PKIB: variants seen among roughly 807,000 people sequenced by gnomAD.
The protein encoded by PKIB is cAMP-dependent protein kinase inhibitor beta.
A neutral mutation model predicts 4.5 loss-of-function variants in PKIB; 2 were observed. That is an observed-to-expected ratio of 0.44 (90% CI 0.18 to 1.39). The LOEUF is 1.39. Among genes scored for constraint, PKIB ranks in the 40% most tolerant of loss-of-function variants. The probability of loss-of-function intolerance (pLI) is 0.27; values close to 1 mark genes in which losing one functional copy is unlikely to be tolerated. For missense variants in PKIB, 94 were observed against 92.6 expected (o/e 1.02, Z -0.06); for synonymous variants, 38 against 36.0 (o/e 1.06, Z -0.20).
intron 3 of PKIB, among the ~76,000 whole-genome samples, chr6:122,708,058 A>G (rs978918532): frequency 1.3e-5 from 2 of 152,212 alleles, no homozygotes; most frequent in South Asian, 2.1e-4. Flanking sequence ...TGAATACATC[A>G]ATGAAACAAC....
chr6:122,485,421 G>A (rs1320725180), intron 2 of PKIB, among the ~76,000 whole-genome samples: 1 of 152,076 alleles, frequency 6.6e-6, no homozygotes, highest in Non-Finnish European at 1.5e-5. Flanking sequence ...AATTTTGAAG[G>A]TTTAGGTTAA....
At chr6:122,606,571 C>CAAAAAAAGAA (rs10695767), upstream of PKIB, among the ~76,000 whole-genome samples, 1 of 119,576 alleles carries the variant, frequency 8.4e-6, no homozygotes, top group Non-Finnish European at 1.7e-5. Flanking sequence ...GACTCTGTCT[C>CAAAAAAAGAA]AAAAAAGAAA....
chr6:122,680,095 C>T (rs893095956), intron 3 of PKIB, among the ~76,000 whole-genome samples: 27 of 152,166 alleles, frequency 1.8e-4, no homozygotes, highest in African/African-American at 6.5e-4. Context: ...CACATAAACT[C>T]TACTTTCTAT....
At chr6:122,496,687 A>C (rs1482658146) in intron 2 of PKIB, among the ~76,000 whole-genome samples, 1 of 152,178 alleles carries the variant, frequency 6.6e-6, no homozygotes, top group Non-Finnish European at 1.5e-5. Context: ...ATTTTTAAAA[A>C]TTCAAAAAAT....
intron 4 of PKIB, among the ~76,000 whole-genome samples, chr6:122,722,548 T>A (rs1779786174): frequency 6.6e-6 from 1 of 152,208 alleles, no homozygotes; most frequent in East Asian, 1.9e-4. Flanking sequence ...TGTGTGTAGC[T>A]TGCTTAGAAT....
chr6:122,498,467 T>G (rs1776137319), intron 2 of PKIB, among the ~76,000 whole-genome samples: 1 of 152,074 alleles, frequency 6.6e-6, no homozygotes, highest in Admixed American at 6.5e-5. Flanking sequence ...CCAAACCATA[T>G]CAAATGACTT....
At chr6:122,674,613 A>G (rs1336293110) in intron 2 of PKIB, among the ~76,000 whole-genome samples, 1 of 152,202 alleles carries the variant, frequency 6.6e-6, no homozygotes, top group Non-Finnish European at 1.5e-5. Flanking sequence ...TAATATTGGT[A>G]CAATGCCTTA....
At chr6:122,546,578 C>A (rs571112714) in intron 2 of PKIB, among the ~76,000 whole-genome samples, 1 of 151,968 alleles carries the variant, frequency 6.6e-6, no homozygotes, top group Non-Finnish European at 1.5e-5. Flanking sequence ...ACTATATATA[C>A]AAACTATGTG....
intron 2 of PKIB, among the ~76,000 whole-genome samples, chr6:122,542,922 C>T (rs529127893): frequency 0.012 from 1,811 of 152,202 alleles, 58 homozygotes; most frequent in African/African-American, 0.042. Flanking sequence ...CAATGGCAGG[C>T]GCCCCTCCCC....
At position 122,662,308 on chromosome 6, in the gene PKIB, CTTTTTTTTTTTTTTTTTT is replaced by C. The variant is rs71021412; in HGVS notation, c.-75-12758_-75-12741del. Among the ~76,000 whole-genome samples the C allele has an allele frequency of 5.3e-4, 7 of 13,252 alleles. 1 individual carries two copies. Among genetic ancestry groups the C allele is most frequent in the African/African-American group, 1.1e-3 (5 of 4,396 alleles). 8.7% of individuals were successfully genotyped at this position (13,252 alleles called of 152,430 possible). On this transcript the variant is annotated intron_variant, in intron 2 of 4. Transcript: ENST00000368452. The stretch of plus-strand genomic sequence containing the variant: ...CTCTCCTTCTTTCTTTCCTTGTCTC[CTTTTTTTTTTTTTTTTTT>C]TTTTTTTTTTTGGAGATTCATTCTT...
chr6:122,694,964 A>G (rs193245055), intron 3 of PKIB, among the ~76,000 whole-genome samples: 6 of 152,340 alleles, frequency 3.9e-5, no homozygotes, highest in Admixed American at 3.3e-4. Flanking sequence ...GTCAATTTCA[A>G]TTACCCTGAG....
intron 3 of PKIB, among the ~76,000 whole-genome samples, chr6:122,684,369 A>G (rs1182058564): frequency 6.6e-6 from 1 of 152,150 alleles, no homozygotes; most frequent in Non-Finnish European, 1.5e-5. Context: ...TAAAATAAAA[A>G]TTGGGAGGAA....
chr6:122,568,180 A>T (rs1773250153), intron 2 of PKIB, among the ~76,000 whole-genome samples: 1 of 152,204 alleles, frequency 6.6e-6, no homozygotes, highest in Non-Finnish European at 1.5e-5. Flanking sequence ...TGATGAAAAG[A>T]AGCAAATTTA....
chr6:122,707,520 A>G (rs1040287689), intron 3 of PKIB, among the ~76,000 whole-genome samples: 3 of 152,056 alleles, frequency 2.0e-5, no homozygotes, highest in Non-Finnish European at 4.4e-5. Flanking sequence ...ATACCTATCT[A>G]TTTTATACCC....
intron 2 of PKIB, among the ~76,000 whole-genome samples, chr6:122,515,800 G>C (rs921684153): frequency 6.6e-6 from 1 of 151,988 alleles, no homozygotes; most frequent in South Asian, 2.1e-4. Context: ...ACTGCAACCT[G>C]TGCCTCCTGG....
intron 3 of PKIB, among the ~76,000 whole-genome samples, chr6:122,715,661 A>ATATATATG (rs985146081): frequency 6.6e-6 from 1 of 150,720 alleles, no homozygotes; most frequent in Non-Finnish European, 1.5e-5. Context: ...ATATATATAT[A>ATATATATG]TATACATACA....
At chr6:122,571,244 A>G (rs752648847) in intron 2 of PKIB, among the ~76,000 whole-genome samples, 9 of 152,198 alleles carry the variant, frequency 5.9e-5, no homozygotes, top group African/African-American at 1.7e-4. Flanking sequence ...TCCAAGAAAT[A>G]TGGGATTATG....
intron 2 of PKIB, among the ~76,000 whole-genome samples, chr6:122,506,966 G>A (rs943453713): frequency 2.0e-5 from 3 of 151,988 alleles, no homozygotes; most frequent in Non-Finnish European, 4.4e-5. Flanking sequence ...CTCCCAAAGT[G>A]CTGGGATTAC....
chr6:122,488,284 GTTTA>G (rs1391226313), intron 2 of PKIB, among the ~76,000 whole-genome samples: 3 of 151,866 alleles, frequency 2.0e-5, no homozygotes, highest in Non-Finnish European at 2.9e-5. Flanking sequence ...ATAGATTTCT[GTTTA>G]TTTAATGAGT....
Sources: allele counts gnomAD v4.1 joint callset (sites outside exome capture counted in the v4.1 genomes callset), GRCh38; gene constraint gnomAD v4.1.1; transcripts MANE v1.5; gene names NCBI Gene and HGNC (gene_info 2026-07-23, HGNC 2026-07-21).